ZMIZ2: variants seen among roughly 807,000 people sequenced by gnomAD.
The protein encoded by ZMIZ2 is zinc finger MIZ-type containing 2.
In ZMIZ2, 26 loss-of-function variants were observed where a neutral mutation model predicts 93.9. The ratio of observed to expected loss-of-function variants is 0.28; its 90% CI spans 0.20 to 0.38. The LOEUF (loss-of-function observed/expected upper bound fraction) is 0.38, where lower values mean the gene tolerates loss of function less well. ZMIZ2 is among the 10% of genes least tolerant of loss of function. The pLI is 1.00. For missense variants in ZMIZ2, 1,023 were observed against 1,235.0 expected, an observed-to-expected ratio of 0.83 and a Z score of 2.57; for synonymous variants, 485 against 516.4, an observed-to-expected ratio of 0.94 and a Z score of 0.82.
chr7:44,766,682 G>C lies in ZMIZ2; in HGVS notation c.2655+19G>C, dbSNP rs761024056. Reference sequence around the variant, plus strand: ...TCTGGACGTGAGTACCAGGCCCCATGCGGGGGAGTGCGTGGGAGCCAGGGC... The same window carrying C: ...TCTGGACGTGAGTACCAGGCCCCATCCGGGGGAGTGCGTGGGAGCCAGGGC... On this transcript the variant is annotated intron_variant, in intron 18 of 18. Coordinates refer to ENST00000309315, the MANE Select transcript of ZMIZ2 (RefSeq NM_031449.4). The surrounding 1 kb of genome is among the most constrained non-coding windows in gnomAD (Gnocchi z 4.4). The C allele has an allele frequency of 1.7e-5, 28 of 1,609,902 alleles. No homozygotes were observed. The highest frequency in any genetic ancestry group is 2.2e-5 in the Non-Finnish European group (26 of 1,177,718).
intron 11 of ZMIZ2, 149 bp from the exon 12 acceptor site, chr7:44,762,732 T>G: frequency 3.0e-6 from 2 of 675,780 alleles, no homozygotes; most frequent in South Asian, 4.4e-5. Context: ...TTTTGTTGGC[T>G]GAATCCCCAC....
chr7:44,766,096 C>A lies in ZMIZ2; in HGVS notation c.2243-68C>A. Reference sequence around the variant, plus strand: ...TCCCACCCATGCCACAGCCAGCCTCCCTCCTGGCTCCTCTGCCAGCGGTGG... The same window carrying A: ...TCCCACCCATGCCACAGCCAGCCTCACTCCTGGCTCCTCTGCCAGCGGTGG... On this transcript the variant is annotated intron_variant, in intron 16 of 18. Transcript: ENST00000309315. The surrounding 1 kb of genome is among the most constrained non-coding windows in gnomAD (Gnocchi z 4.4). 2 of 1,510,678 alleles carry A rather than the reference C, an allele frequency of 1.3e-6. No individual in the cohort carries two copies. Among genetic ancestry groups the A allele is most frequent in the Non-Finnish European group, 1.8e-6 (2 of 1,135,194 alleles). The allele number at this position is 1,510,678 out of a possible 1,614,324, so 93.6% of individuals were successfully genotyped here. A position where few individuals can be genotyped will look rare whatever the true frequency, so the allele number is the denominator to read the frequency against.
At position 44,769,880 on chromosome 7, in the gene ZMIZ2, A is replaced by C. The variant is rs1048714688; in HGVS notation, c.*2257A>C. The C allele has an allele frequency of 1.3e-5, 2 of 152,296 alleles. No individual in the cohort carries two copies. The highest frequency in any genetic ancestry group is 4.8e-5 in the African/African-American group (2 of 41,436). The allele number at this position is 152,296 out of a possible 1,614,324, so 9.4% of individuals were successfully genotyped here. A position where few individuals can be genotyped will look rare whatever the true frequency, so the allele number is the denominator to read the frequency against. On this transcript the variant is annotated 3_prime_UTR_variant, in exon 19 of 19. Transcript: ENST00000309315. ...GCCATTTTTATAAAGCTCAAAACCAAATATGTGTGGAATTCATACCCAGGT... is the reference window on the plus strand; with the variant it reads ...GCCATTTTTATAAAGCTCAAAACCACATATGTGTGGAATTCATACCCAGGT...
rs1489384817 is a variant in ZMIZ2, at chr7:44,761,940, C to CGTGGGGCGGGGTGTG, written c.1596+43_1596+57dup. 2.2e-5 allele frequency: 28 copies of CGTGGGGCGGGGTGTG among 1,287,842 alleles called. No individual in the cohort carries two copies. The Admixed American group carries it at 5.7e-4, about 26-fold the overall frequency. The allele number at this position is 1,287,842 out of a possible 1,614,324, so 79.8% of individuals were successfully genotyped here. On this transcript the variant is annotated intron_variant, in intron 11 of 18. Coordinates refer to ENST00000309315, the MANE Select transcript of ZMIZ2 (RefSeq NM_031449.4). The surrounding 1 kb of genome is among the most constrained non-coding windows in gnomAD (Gnocchi z 5.8). ...CTGCGCCGAGGGGGCGGTGCTGTGG[C>CGTGGGGCGGGGTGTG]GTGGGGCGGGGTGTGGTGGGGCCTG... is the stretch of plus-strand genomic sequence containing the variant.
chr7:44,755,186 T>C (rs1790486919), intron 1 of ZMIZ2, among the ~76,000 whole-genome samples: 1 of 152,204 alleles, frequency 6.6e-6, no homozygotes, highest in African/African-American at 2.4e-5. Context: ...ACACCCCCTC[T>C]GCTGCCCTGT....
Position 44,761,400 on chromosome 7 carries a change from C to G in ZMIZ2, c.1241-49C>G. 6.3e-7 allele frequency: 1 copy of G among 1,594,816 alleles called. No homozygotes were observed. Among genetic ancestry groups the G allele is most frequent in the South Asian group, 1.1e-5 (1 of 89,266 alleles). ...GCTGCCCTCCTTGAGTGACACAAGA[C>G]GCTCTGGCTGGGGCAACCCAGCTCA... is the stretch of plus-strand genomic sequence containing the variant. On this transcript the variant is annotated intron_variant, in intron 9 of 18. Coordinates refer to ENST00000309315, the MANE Select transcript of ZMIZ2 (RefSeq NM_031449.4). This position sits in a 1 kb window ranked among gnomAD's most constrained non-coding sequence, Gnocchi z 5.8.
intron 1 of ZMIZ2, among the ~76,000 whole-genome samples, 189 bp from the exon 2 acceptor site, chr7:44,755,999 G>A (rs1437205957): frequency 6.6e-6 from 1 of 152,236 alleles, no homozygotes; most frequent in Admixed American, 6.5e-5. Context: ...GTATTTGTGG[G>A]GGCAGATCCT....
Position 44,763,590 on chromosome 7 carries a change from AT to A in ZMIZ2, c.1860+183del. 2 of 743,520 alleles carry A rather than the reference AT, an allele frequency of 2.7e-6. No homozygotes were observed. The highest frequency in any genetic ancestry group is 2.1e-6 in the Non-Finnish European group (1 of 477,880). The allele number at this position is 743,520 out of a possible 1,614,324, so 46.1% of individuals were successfully genotyped here. ...GGCCTGGCTCCCCCAAGACTAGGCT[AT>A]TTTTTCTTCCAAATATAATTGTCAT... is the stretch of plus-strand genomic sequence containing the variant. On this transcript the variant is annotated intron_variant, in intron 13 of 18. Transcript: ENST00000309315. The surrounding 1 kb of genome is among the most constrained non-coding windows in gnomAD (Gnocchi z 5.6).
At chr7:44,756,750 C>T in intron 3 of ZMIZ2, 197 bp from the exon 4 acceptor site, 1 of 788,258 alleles carries the variant, frequency 1.3e-6, no homozygotes, top group South Asian at 1.7e-5. Flanking sequence ...TTTTCTTCTC[C>T]TGTCTTCACC....
chr7:44,756,590 T>C, intron 3 of ZMIZ2, 51 bp downstream of exon 3: 1 of 1,585,254 alleles, frequency 6.3e-7, no homozygotes, highest in South Asian at 1.1e-5. Context: ...CTCCCAGCAC[T>C]TGGCAGTGCT....
Position 44,766,683 on chromosome 7 carries a change from CG to C in ZMIZ2, c.2655+25del. ...CTGGACGTGAGTACCAGGCCCCATG[CG>C]GGGGAGTGCGTGGGAGCCAGGGCTA... On this transcript the variant is annotated intron_variant, in intron 18 of 18. Coordinates refer to ENST00000309315, the MANE Select transcript of ZMIZ2 (RefSeq NM_031449.4). This position sits in a 1 kb window ranked among gnomAD's most constrained non-coding sequence, Gnocchi z 4.4. The C allele has an allele frequency of 6.2e-7, 1 of 1,609,744 alleles. No individual in the cohort carries two copies. Among genetic ancestry groups the C allele is most frequent in the East Asian group, 2.2e-5 (1 of 44,780 alleles).
chr7:44,752,857 C>T (rs968877421), intron 1 of ZMIZ2, among the ~76,000 whole-genome samples: 1 of 152,228 alleles, frequency 6.6e-6, no homozygotes, highest in African/African-American at 2.4e-5. Flanking sequence ...TTTCATTTCT[C>T]TGAGATAAAT....
chr7:44,763,147 C>T lies in ZMIZ2; in HGVS notation c.1703-109C>T, dbSNP rs1010227501. The stretch of plus-strand genomic sequence containing the variant: ...CAGTGGTTAGTTCCAGGTGGCCCCT[C>T]AGAGCTGTCAGTGGGTCAGTGACTG... On this transcript the variant is annotated intron_variant, in intron 12 of 18. Coordinates refer to ENST00000309315, the MANE Select transcript of ZMIZ2 (RefSeq NM_031449.4). This position sits in a 1 kb window ranked among gnomAD's most constrained non-coding sequence, Gnocchi z 5.6. 3 of 1,523,170 alleles carry T rather than the reference C, an allele frequency of 2.0e-6. No homozygotes were observed. Among genetic ancestry groups the T allele is most frequent in the Non-Finnish European group, 1.8e-6 (2 of 1,118,980 alleles). The allele number at this position is 1,523,170 out of a possible 1,614,324, so 94.4% of individuals were successfully genotyped here.
intron 7 of ZMIZ2, chr7:44,759,777 A>G (rs1483792687): frequency 2.2e-6 from 1 of 448,128 alleles, no homozygotes; most frequent in Non-Finnish European, 4.0e-6. Context: ...AATGTTCTTT[A>G]TGGAAAAGTG....
In ZMIZ2 at chr7:44,765,710, A is replaced by G; in HGVS notation, c.2242+131A>G. The G allele has an allele frequency of 7.3e-7, 1 of 1,368,698 alleles. No homozygotes were observed. Among genetic ancestry groups the G allele is most frequent in the Non-Finnish European group, 9.8e-7 (1 of 1,018,326 alleles). The allele number at this position is 1,368,698 out of a possible 1,614,324, so 84.8% of individuals were successfully genotyped here. A position where few individuals can be genotyped will look rare whatever the true frequency, so the allele number is the denominator to read the frequency against. ...ACCTAGGTTATCAGTGTTGCCACAC[A>G]AAACATGCCGCGGGGCACCTCCAGC... On this transcript the variant is annotated intron_variant, in intron 16 of 18. Coordinates refer to ENST00000309315, the MANE Select transcript of ZMIZ2 (RefSeq NM_031449.4). This position sits in a 1 kb window ranked among gnomAD's most constrained non-coding sequence, Gnocchi z 4.1.
chr7:44,765,530 C>A lies in ZMIZ2; in HGVS notation c.2193C>A (p.Ala731=). 8.3e-7 allele frequency: 1 copy of A among 1,211,190 alleles called. No homozygotes were observed. Among genetic ancestry groups the A allele is most frequent in the Non-Finnish European group, 1.1e-6 (1 of 893,084 alleles). 75.0% of individuals were successfully genotyped at this position (1,211,190 alleles called of 1,614,324 possible). A position where few individuals can be genotyped will look rare whatever the true frequency, so the allele number is the denominator to read the frequency against. ...AALGPGAAPF[A]PLQPPSVPAP... ...TGGGCCCCGGCGCTGCCCCCTTTGCCCCCCTGCAGCCCCCCTCAGTCCCTG... is the reference window on the plus strand; with the variant it reads ...TGGGCCCCGGCGCTGCCCCCTTTGCACCCCTGCAGCCCCCCTCAGTCCCTG... The change falls in exon 16 of 19, where the codon GCC becomes GCA. Residue 731 remains alanine (A), a synonymous_variant. Coordinates refer to ENST00000309315, the MANE Select transcript of ZMIZ2 (RefSeq NM_031449.4). This position sits in a 1 kb window ranked among gnomAD's most constrained non-coding sequence, Gnocchi z 4.1.
chr7:44,759,798 T>C (rs1790982811), intron 7 of ZMIZ2: 2 of 445,878 alleles, frequency 4.5e-6, no homozygotes, highest in Non-Finnish European at 8.0e-6. Flanking sequence ...TCATTCCTTC[T>C]ACTTGCTGCA....
At chr7:44,760,071 TG>T in intron 7 of ZMIZ2, 79 bp from the exon 8 acceptor site, 2 of 1,439,374 alleles carry the variant, frequency 1.4e-6, no homozygotes, top group Middle Eastern at 1.8e-4. Context: ...CCGTGTATGG[TG>T]GGCTTCTAGG....
In ZMIZ2 at chr7:44,757,970, C is replaced by T; in HGVS notation, c.675C>T (p.Ser225=). The change falls in exon 6 of 19, where the codon TCC becomes TCT. Residue 225 remains serine, a synonymous_variant. Coordinates refer to ENST00000309315, the MANE Select transcript of ZMIZ2 (RefSeq NM_031449.4). ...GGGTAATGGGCCCCTCTGGCCTCTC[C>T]CCCTTGGCTATGAACCCCACCCGGG... ...IGGVMGPSGL[S]PLAMNPTRAA... is the part of the protein sequence containing the mutation. 1.9e-6 allele frequency: 3 copies of T among 1,612,656 alleles called. No homozygotes were observed. Among genetic ancestry groups the T allele is most frequent in the Non-Finnish European group, 2.5e-6 (3 of 1,179,380 alleles).
Sources: gnomAD v4.1 joint callset for allele counts (sites outside exome capture counted in the v4.1 genomes callset) on GRCh38, gnomAD v4.1.1 for gene constraint, Gnocchi (gnomAD v3.1) non-coding constraint, MANE v1.5 for transcripts, NCBI Gene and HGNC (gene_info 2026-07-23, HGNC 2026-07-21) for gene names.